SDK1: variants seen among roughly 807,000 people sequenced by gnomAD.
SDK1 encodes the protein protein sidekick-1.
In SDK1, 157 loss-of-function variants were observed where a neutral mutation model predicts 245.5. The ratio of observed to expected loss-of-function variants is 0.64; its 90% CI spans 0.56 to 0.73. The LOEUF (loss-of-function observed/expected upper bound fraction) is 0.73. Ranked by LOEUF, SDK1 falls within the 30% of genes least tolerant of loss-of-function variation. The pLI is 0.00. For missense variants in SDK1, 3,583 were observed against 3,002.3 expected (o/e 1.19, Z -4.52); for synonymous variants, 1,647 against 1,278.5 (o/e 1.29, Z -6.15).
intron 39 of SDK1, 55 bp downstream of exon 39, chr7:4,220,325 C>T (rs1785073452): frequency 6.4e-7 from 1 of 1,551,666 alleles, no homozygotes; most frequent in Non-Finnish European, 8.8e-7. Flanking sequence ...CCTCCCGCCT[C>T]CTGCTTCACT....
At chr7:3,891,989 A>G (rs905907018) in intron 5 of SDK1, among the ~76,000 whole-genome samples, 2 of 152,176 alleles carry the variant, frequency 1.3e-5, no homozygotes, top group African/African-American at 4.8e-5. Flanking sequence ...TTCTGTTTTG[A>G]AAACAAGTTT....
chr7:3,378,192 C>T (rs1030521612), intron 1 of SDK1, among the ~76,000 whole-genome samples: 8 of 152,164 alleles, frequency 5.3e-5, no homozygotes, highest in African/African-American at 1.9e-4. Flanking sequence ...TCGGGGGCTA[C>T]AATTAACATT....
intron 23 of SDK1, among the ~76,000 whole-genome samples, chr7:4,112,019 A>G (rs950994119): frequency 6.6e-6 from 1 of 152,204 alleles, no homozygotes; most frequent in African/African-American, 2.4e-5. Flanking sequence ...TAGAGGCCTC[A>G]GTTACCTGAC....
chr7:3,817,252 C>T (rs1779531199), intron 4 of SDK1, among the ~76,000 whole-genome samples: 1 of 152,124 alleles, frequency 6.6e-6, no homozygotes. Context: ...GGAACTCTTC[C>T]CCTTGGGTCC....
chr7:3,855,860 A>G (rs1404816868), intron 5 of SDK1, among the ~76,000 whole-genome samples: 1 of 152,236 alleles, frequency 6.6e-6, no homozygotes, highest in Non-Finnish European at 1.5e-5. Flanking sequence ...AAGGGTCAAA[A>G]TGAAGTGAAG....
chr7:3,651,003 A>G (rs1162588291), intron 4 of SDK1, among the ~76,000 whole-genome samples: 1 of 152,090 alleles, frequency 6.6e-6, no homozygotes, highest in African/African-American at 2.4e-5. Context: ...GCCATGATGA[A>G]TAAAGTTGCT....
chr7:3,826,581 A>G (rs1779781561), intron 5 of SDK1, among the ~76,000 whole-genome samples: 1 of 152,164 alleles, frequency 6.6e-6, no homozygotes, highest in South Asian at 2.1e-4. Context: ...CCACTTTGTG[A>G]GAGTTAGTTT....
intron 35 of SDK1, among the ~76,000 whole-genome samples, chr7:4,198,289 C>T (rs1783696066): frequency 6.6e-6 from 1 of 152,212 alleles, no homozygotes; most frequent in African/African-American, 2.4e-5. Context: ...GAACCTACTG[C>T]CAGTTCCCAC....
At chr7:3,413,414 G>C (rs913298679) in intron 1 of SDK1, among the ~76,000 whole-genome samples, 1 of 152,158 alleles carries the variant, frequency 6.6e-6, no homozygotes, top group East Asian at 1.9e-4. Context: ...ATAACTTGGA[G>C]CCAGGTGCAG....
At chr7:3,745,536 ATG>A (rs3086116) in intron 4 of SDK1, among the ~76,000 whole-genome samples, 32,057 of 151,392 alleles carry the variant, frequency 0.21, 4,284 homozygotes, top group African/African-American at 0.38. Context: ...CCTCATTTGC[ATG>A]TGTGTGTGTG....
At chr7:3,378,920 G>C (rs1353249195) in intron 1 of SDK1, among the ~76,000 whole-genome samples, 1 of 151,960 alleles carries the variant, frequency 6.6e-6, no homozygotes, top group Non-Finnish European at 1.5e-5. Context: ...CATGCTCACC[G>C]ACCTCCCACC....
At chr7:3,981,159 C>T (rs1296750325) in intron 13 of SDK1, among the ~76,000 whole-genome samples, 4 of 152,160 alleles carry the variant, frequency 2.6e-5, no homozygotes, top group Non-Finnish European at 4.4e-5. Flanking sequence ...CACAATGTTT[C>T]AAACTTTGTC....
At chr7:3,317,212 T>A (rs1779686188) in intron 1 of SDK1, among the ~76,000 whole-genome samples, 5 of 135,752 alleles carry the variant, frequency 3.7e-5, no homozygotes, top group African/African-American at 1.1e-4. Flanking sequence ...AAAAAAAGGC[T>A]ATCATGGGAG....
At chr7:3,873,130 T>C (rs957302802) in intron 5 of SDK1, among the ~76,000 whole-genome samples, 1 of 152,204 alleles carries the variant, frequency 6.6e-6, no homozygotes, top group Non-Finnish European at 1.5e-5. Context: ...AGAGTATGTC[T>C]ACTGGCAGTA....
At chr7:3,582,286 C>T (rs1207134084) in intron 1 of SDK1, among the ~76,000 whole-genome samples, 1 of 151,156 alleles carries the variant, frequency 6.6e-6, no homozygotes, top group African/African-American at 2.4e-5. Context: ...TCAGGTAGGT[C>T]TGTCTCAGGT....
Position 4,019,740 on chromosome 7 carries a change from T to C in SDK1, c.2602+2388T>C, listed in dbSNP as rs557135234. Among the ~76,000 whole-genome samples the C allele has an allele frequency of 3.9e-5, 6 of 152,176 alleles. No individual in the cohort carries two copies. In the South Asian group the frequency reaches 1.0e-3, roughly 26 times the overall value. On this transcript the variant is annotated intron_variant, in intron 17 of 44. Coordinates refer to ENST00000404826, the MANE Select transcript of SDK1 (RefSeq NM_152744.4). Reference sequence around the variant, plus strand: ...GGGTGTTTGACATTGGGGGTTGGTATACAGAGCCCCTCATGGGTCTCGGAG... The same window carrying C: ...GGGTGTTTGACATTGGGGGTTGGTACACAGAGCCCCTCATGGGTCTCGGAG...
chr7:3,722,721 CT>C (rs1358945467), intron 4 of SDK1, among the ~76,000 whole-genome samples: 1 of 152,324 alleles, frequency 6.6e-6, no homozygotes, highest in African/African-American at 2.4e-5. Context: ...GCCCCACCCC[CT>C]GGTGCAGAAT....
intron 5 of SDK1, among the ~76,000 whole-genome samples, chr7:3,925,632 A>G (rs1426053618): frequency 6.6e-6 from 1 of 152,198 alleles, no homozygotes; most frequent in Non-Finnish European, 1.5e-5. Context: ...GGCACCCTGC[A>G]GTGGGCAGGC....
chr7:3,412,624 G>C (rs1779244048), intron 1 of SDK1, among the ~76,000 whole-genome samples: 1 of 152,202 alleles, frequency 6.6e-6, no homozygotes, highest in Non-Finnish European at 1.5e-5. Context: ...TAAAGCTGTA[G>C]GATAAATTCC....
Sources: gnomAD v4.1 joint callset for allele counts (sites outside exome capture counted in the v4.1 genomes callset) on GRCh38, gnomAD v4.1.1 for gene constraint, MANE v1.5 for transcripts, NCBI Gene and HGNC (gene_info 2026-07-23, HGNC 2026-07-21) for gene names.